The following PIGR variants were observed in gnomAD, a reference collection of about 807,000 sequenced individuals.
PIGR encodes the protein polymeric immunoglobulin receptor.
In PIGR, 22 loss-of-function variants were observed where a neutral mutation model predicts 69.5. That is an observed-to-expected ratio of 0.32 (90% CI 0.23 to 0.45). PIGR has a LOEUF of 0.45. Among genes scored for constraint, PIGR ranks in the 20% least tolerant of loss-of-function variants. The pLI, the probability that PIGR is intolerant of heterozygous loss-of-function variation, is 1.00. For missense variants in PIGR, 885 were observed against 974.0 expected (o/e 0.91, Z 1.22); for synonymous variants, 413 against 407.6 (o/e 1.01, Z -0.16).
chr1:206,940,640 G>T, intron 1 of PIGR, 56 bp from the exon 2 acceptor site: 2 of 1,101,580 alleles, frequency 1.8e-6, no homozygotes, highest in Non-Finnish European at 2.5e-6. Context: ...AAGACTAGTT[G>T]ACCTTAGAGT....
In PIGR at chr1:206,937,635, T is replaced by A. The variant is rs745851540; in HGVS notation, c.505A>T (p.Ile169Leu). ...ATGACCAGCACAGGGTACAGGCCTA[T>A]CTGCTTGTACAAGGACTTCCTCTTT... ...AQKRKSLYKQ[I>L]GLYPVLVIDS... Residue 169 changes from isoleucine (I) to leucine (L), a missense_variant, in exon 4 of 11, where the codon ATA becomes TTA. Physicochemically the swap from Ile to Leu is conservative, Grantham distance 5. Transcript: ENST00000356495. 1 of 1,613,878 alleles carries A rather than the reference T, an allele frequency of 6.2e-7. No individual in the cohort carries two copies. The highest frequency in any genetic ancestry group is 8.5e-7 in the Non-Finnish European group (1 of 1,179,888).
intron 6 of PIGR, among the ~76,000 whole-genome samples, chr1:206,933,542 G>A (rs1245310741): frequency 6.6e-6 from 1 of 152,186 alleles, no homozygotes; most frequent in East Asian, 1.9e-4. Flanking sequence ...CTGGCGATGG[G>A]CCCCTCAGTG....
rs532677555 is a variant in PIGR, at chr1:206,943,546, G to A, written c.-54+2790C>T. 3.3e-5 allele frequency among the ~76,000 whole-genome samples: 5 copies of A among 152,312 alleles called. No homozygotes were observed. In the East Asian group the frequency reaches 7.7e-4, roughly 23 times the overall value. ...GTCCCCACAATTGTGGATTGGGGCA[G>A]GAGTGTAAGCTGTGCTGAAGGATAG... On this transcript the variant is annotated intron_variant, in intron 1 of 10. Transcript: ENST00000356495.
At chr1:206,939,934 G>A (rs1387002967) in intron 2 of PIGR, among the ~76,000 whole-genome samples, 1 of 152,134 alleles carries the variant, frequency 6.6e-6, no homozygotes, top group African/African-American at 2.4e-5. Flanking sequence ...TGGCCAGGCT[G>A]GTCTTGAGCT....
Position 206,930,681 on chromosome 1 carries a change from G to A in PIGR, c.2200-268C>T. 3 of 985,418 alleles carry A rather than the reference G, an allele frequency of 3.0e-6. No homozygotes were observed. The highest frequency in any genetic ancestry group is 2.3e-4 in the East Asian group (2 of 8,814). 61.0% of individuals were successfully genotyped at this position (985,418 alleles called of 1,614,324 possible). A position where few individuals can be genotyped will look rare whatever the true frequency, so the allele number is the denominator to read the frequency against. ...GGAACCGCCTCTGTTGCCCGGGCCT[G>A]TCCCCGGAAGCTGCCCACACAGTCC... On this transcript the variant is annotated intron_variant, in intron 10 of 10. Transcript: ENST00000356495. This position sits in a 1 kb window ranked among gnomAD's most constrained non-coding sequence, Gnocchi z 4.3.
intron 5 of PIGR, among the ~76,000 whole-genome samples, 188 bp from the exon 6 acceptor site, chr1:206,934,934 C>T (rs1205355106): frequency 6.6e-6 from 1 of 152,200 alleles, no homozygotes; most frequent in Non-Finnish European, 1.5e-5. Context: ...TCATAGCTCA[C>T]TGCAGCCTCC....
chr1:206,934,691 G>A lies in PIGR; in HGVS notation c.1434C>T (p.Leu478=). Residue 478 remains leucine, a synonymous_variant, in exon 6 of 11, where the codon CTC becomes CTT. Transcript: ENST00000356495. ...GNVTAVLGET[L]KVPCHFPCKF... ...TGCATGGAAAGTGACAGGGGACCTT[G>A]AGAGTCTCTCCCAGCACAGCCGTGA... 1.2e-6 allele frequency: 2 copies of A among 1,612,902 alleles called. No homozygotes were observed. The highest frequency in any genetic ancestry group is 1.7e-6 in the Non-Finnish European group (2 of 1,180,000).
At chr1:206,945,144 A>G (rs1351046612) in intron 1 of PIGR, among the ~76,000 whole-genome samples, 1 of 152,124 alleles carries the variant, frequency 6.6e-6, no homozygotes, top group East Asian at 1.9e-4. Context: ...GGGGCGGGAC[A>G]AGGATGGAGA....
chr1:206,933,946 T>G (rs190802526), intron 6 of PIGR, among the ~76,000 whole-genome samples: 6 of 152,072 alleles, frequency 3.9e-5, no homozygotes, highest in Admixed American at 2.6e-4. Context: ...CTCAGTTCAC[T>G]GCAACCCCTG....
chr1:206,932,547 C>T lies in PIGR; in HGVS notation c.1917G>A (p.Ala639=), dbSNP rs376067692. 6.2e-5 allele frequency: 100 copies of T among 1,613,734 alleles called. No homozygotes were observed. The highest frequency in any genetic ancestry group is 1.6e-4 in the East Asian group (7 of 44,864). Residue 639 remains alanine, a synonymous_variant, in exon 8 of 11, where the codon GCG becomes GCA. Coordinates refer to ENST00000356495, the MANE Select transcript of PIGR (RefSeq NM_002644.4). Reference sequence around the variant, plus strand: ...CCAGGGGCACCAGGGTGGAGACCAGCGCTCTGGAGCTTCCACCTTGTTCCT... The same window carrying T: ...CCAGGGGCACCAGGGTGGAGACCAGTGCTCTGGAGCTTCCACCTTGTTCCT... ...SSEEQGGSSR[A]LVSTLVPLGL...
intron 1 of PIGR, among the ~76,000 whole-genome samples, chr1:206,943,376 G>A (rs1184714983): frequency 2.0e-5 from 3 of 151,958 alleles, no homozygotes; most frequent in Non-Finnish European, 4.4e-5. Context: ...TGCTTTATTG[G>A]GTTTTATATA....
chr1:206,933,016 T>C lies in PIGR; in HGVS notation c.1856A>G (p.Asp619Gly). The C allele has an allele frequency of 6.2e-7, 1 of 1,614,196 alleles. No homozygotes were observed. Among genetic ancestry groups the C allele is most frequent in the South Asian group, 1.1e-5 (1 of 91,078 alleles). Residue 619 changes from aspartate to glycine, a missense_variant, in exon 7 of 11, where the codon GAT becomes GGT. Physicochemically the swap from Asp to Gly is moderately conservative, Grantham distance 94. Transcript: ENST00000356495. ...KAVADTRDQA[D>G]GSRASVDSGS... ...GGAATCCACAGATGCTCTGCTCCCA[T>C]CGGCTTGATCTCTTGTATCTGCCAC...
rs532904556 is a variant in PIGR at position 206,931,702 on chromosome 1, G to A, written c.2109C>T (p.Ile703=). The A allele has an allele frequency of 2.2e-5, 36 of 1,614,182 alleles. No individual in the cohort carries two copies. The East Asian group carries it at 7.1e-4, about 32-fold the overall frequency. ...GANDNMGASS[I]TQETSLGGKE... is the part of the protein sequence containing the mutation. ...TTCCTCCGAGGGATGTCTCCTGAGT[G>A]ATCGAAGAGGCTCCCATGTTGTCAT... Residue 703 remains isoleucine, a synonymous_variant, in exon 9 of 11, where the codon ATC becomes ATT. Transcript: ENST00000356495.
intron 2 of PIGR, among the ~76,000 whole-genome samples, chr1:206,940,228 G>A (rs1558015409): frequency 1.3e-5 from 2 of 152,176 alleles, no homozygotes; most frequent in Non-Finnish European, 2.9e-5. Flanking sequence ...TTGAAGTTAA[G>A]GTCTTTGTTA....
chr1:206,941,983 T>C (rs1679997164), intron 1 of PIGR, among the ~76,000 whole-genome samples: 1 of 152,222 alleles, frequency 6.6e-6, no homozygotes, highest in African/African-American at 2.4e-5. Flanking sequence ...CCCTGGCCCC[T>C]GCTCCTGCTC....
At chr1:206,944,967 C>T (rs562303341) in intron 1 of PIGR, among the ~76,000 whole-genome samples, 17 of 152,216 alleles carry the variant, frequency 1.1e-4, no homozygotes, top group Admixed American at 5.2e-4. Flanking sequence ...GAGAATGAGA[C>T]GAAGGTGTGA....
At chr1:206,931,388 C>T in intron 10 of PIGR, 109 bp downstream of exon 10, 1 of 1,608,096 alleles carries the variant, frequency 6.2e-7, no homozygotes, top group South Asian at 1.1e-5. Context: ...ATCATCCTCC[C>T]TATTCTGGGA....
intron 1 of PIGR, among the ~76,000 whole-genome samples, chr1:206,941,408 T>C (rs1156534018): frequency 2.0e-5 from 3 of 152,230 alleles, no homozygotes; most frequent in African/African-American, 7.2e-5. Context: ...ATTTGTGTTA[T>C]TTGTAGAGAC....
Position 206,934,550 on chromosome 1 carries a change from C to G in PIGR, c.1575G>C (p.Arg525=), listed in dbSNP as rs1420119531. 1.2e-6 allele frequency: 2 copies of G among 1,614,264 alleles called. No individual in the cohort carries two copies. The highest frequency in any genetic ancestry group is 1.3e-5 in the African/African-American group (1 of 75,064). ...CCAGGTTCAGGGTCAGGGAGACAAG[C>G]CGGCTGTTCTCGTCACAGTTCACGA... ...KAFVNCDENS[R]LVSLTLNLVT... Residue 525 remains arginine, a synonymous_variant, in exon 6 of 11, where the codon CGG becomes CGC. Coordinates refer to ENST00000356495, the MANE Select transcript of PIGR (RefSeq NM_002644.4).
Sources: gnomAD v4.1 joint callset for allele counts (sites outside exome capture counted in the v4.1 genomes callset) on GRCh38, gnomAD v4.1.1 for gene constraint, Gnocchi (gnomAD v3.1) non-coding constraint, MANE v1.5 for transcripts, NCBI Gene and HGNC (gene_info 2026-07-23, HGNC 2026-07-21) for gene names.